The following ITSN1 variants were observed in gnomAD, a reference collection of about 807,000 sequenced individuals.
ITSN1 encodes intersectin-1.
In ITSN1, 58 loss-of-function variants were observed where a neutral mutation model predicts 239.8. The observed-to-expected ratio is 0.24, with a 90% CI of 0.20 to 0.30. ITSN1 has a LOEUF of 0.30. Ranked by LOEUF, ITSN1 falls within the 10% of genes least tolerant of loss-of-function variation. ITSN1 has a pLI of 1.00. For missense variants in ITSN1, 1,558 were observed against 2,103.3 expected (o/e 0.74, Z 5.07); for synonymous variants, 780 against 770.8 (o/e 1.01, Z -0.20).
chr21:33,673,687 A>G (rs1230072302), intron 1 of ITSN1, among the ~76,000 whole-genome samples: 4 of 151,128 alleles, frequency 2.6e-5, no homozygotes, highest in Non-Finnish European at 4.4e-5. Flanking sequence ...TCCTCAGCTC[A>G]TTTCTAACTG....
At chr21:33,827,533 G>GC in intron 26 of ITSN1, among the ~76,000 whole-genome samples, 1 of 152,306 alleles carries the variant, frequency 6.6e-6, no homozygotes, top group Middle Eastern at 3.4e-3. Context: ...GGCTTGGTTA[G>GC]CCCTTTTTCA....
chr21:33,858,069 C>T (rs984303524), intron 30 of ITSN1, among the ~76,000 whole-genome samples: 5 of 152,130 alleles, frequency 3.3e-5, no homozygotes, highest in Admixed American at 6.5e-5. Context: ...GTTGCTCAAC[C>T]ACACAGAGCT....
In ITSN1 at chr21:33,773,161, C is replaced by T. The variant is rs139904551; in HGVS notation, c.1305+838C>T. Among the ~76,000 whole-genome samples, 412 of 152,136 alleles carry T rather than the reference C, an allele frequency of 2.7e-3. 1 individual carries two copies. The highest frequency in any genetic ancestry group is 4.1e-3 in the Admixed American group (63 of 15,282). On this transcript the variant is annotated intron_variant, in intron 12 of 39. Coordinates refer to ENST00000381318, the MANE Select transcript of ITSN1 (RefSeq NM_003024.3). The stretch of plus-strand genomic sequence containing the variant: ...AGCTGGGATTACAGGTGCCCGCCAC[C>T]ACGCCCAGCTAATATTTTGTATTTT...
chr21:33,664,455 G>C (rs1259047012), intron 1 of ITSN1, among the ~76,000 whole-genome samples: 4 of 152,022 alleles, frequency 2.6e-5, no homozygotes, highest in African/African-American at 9.7e-5. Flanking sequence ...CTTGGGGAGG[G>C]CCTTAATCTA....
chr21:33,693,706 T>C (rs1361223527), intron 1 of ITSN1, among the ~76,000 whole-genome samples: 1 of 152,194 alleles, frequency 6.6e-6, no homozygotes, highest in African/African-American at 2.4e-5. Context: ...TGTGTCTATA[T>C]AGCACTCCTA....
intron 29 of ITSN1, chr21:33,836,926 C>T: frequency 1.4e-6 from 2 of 1,426,796 alleles, no homozygotes; most frequent in East Asian, 2.4e-5. Flanking sequence ...ACTCATTTTC[C>T]TAGCTTGAAT....
At chr21:33,845,568 C>A (rs1489618759) in intron 29 of ITSN1, among the ~76,000 whole-genome samples, 8 of 152,146 alleles carry the variant, frequency 5.3e-5, no homozygotes, top group South Asian at 2.1e-4. Flanking sequence ...AGCCCTCTAA[C>A]CTTCCCTCTC....
chr21:33,796,955 C>T (rs1001311963), intron 17 of ITSN1, among the ~76,000 whole-genome samples: 15 of 152,076 alleles, frequency 9.9e-5, no homozygotes, highest in Non-Finnish European at 2.9e-5. Context: ...ATAAAACAAT[C>T]CCTTGCTTTC....
chr21:33,835,043 C>T (rs1234405939), intron 28 of ITSN1, among the ~76,000 whole-genome samples: 1 of 152,144 alleles, frequency 6.6e-6, no homozygotes, highest in Non-Finnish European at 1.5e-5. Context: ...GAGGTGAGGT[C>T]AGGGGGAGCA....
At chr21:33,861,991 T>TA (rs776558259) in intron 31 of ITSN1, among the ~76,000 whole-genome samples, 20,802 of 57,928 alleles carry the variant, frequency 0.36, 4,533 homozygotes, top group African/African-American at 0.52. Context: ...TCATCTCTAC[T>TA]AAAAAAAAAA....
At chr21:33,814,832 C>T (rs763817816) in intron 22 of ITSN1, among the ~76,000 whole-genome samples, 1 of 152,062 alleles carries the variant, frequency 6.6e-6, no homozygotes, top group Non-Finnish European at 1.5e-5. Flanking sequence ...CTAGGGCAGG[C>T]CTGGACCCAG....
intron 1 of ITSN1, among the ~76,000 whole-genome samples, chr21:33,698,710 CTG>C (rs1249869347): frequency 1.3e-5 from 2 of 152,126 alleles, no homozygotes; most frequent in African/African-American, 4.8e-5. Flanking sequence ...TACCTTTTCT[CTG>C]TGTTTTAAAA....
At chr21:33,750,118 G>C in intron 5 of ITSN1, 25 bp from the exon 6 acceptor site, 2 of 1,609,482 alleles carry the variant, frequency 1.2e-6, no homozygotes, top group Non-Finnish European at 1.7e-6. Flanking sequence ...GATGTGAATG[G>C]TGTTGAGCTG....
At chr21:33,790,086 G>C (rs1199818505) in intron 16 of ITSN1, among the ~76,000 whole-genome samples, 1 of 151,980 alleles carries the variant, frequency 6.6e-6, no homozygotes. Context: ...AGCTGTGCTT[G>C]ATCAAAGACC....
chr21:33,713,595 A>G (rs2834252), intron 1 of ITSN1, among the ~76,000 whole-genome samples: 73,888 of 151,788 alleles, frequency 0.49, 18,615 homozygotes, highest in East Asian at 0.82. Flanking sequence ...GTAGTAATTC[A>G]TACAGCAAGC....
chr21:33,704,064 T>A (rs572395130), intron 1 of ITSN1, among the ~76,000 whole-genome samples: 1 of 152,212 alleles, frequency 6.6e-6, no homozygotes, highest in African/African-American at 2.4e-5. Flanking sequence ...ACCTACCTTA[T>A]GCTGCTGAAG....
At position 33,856,868 on chromosome 21, in the gene ITSN1, T is replaced by A; in HGVS notation, c.3783+11T>A. The stretch of plus-strand genomic sequence containing the variant: ...CAGCTGGTCACAGAGGTAAGGGAGC[T>A]GGTGGGGCAGGGGGCACGGCAGGGG... On this transcript the variant is annotated intron_variant, in intron 30 of 39. Transcript: ENST00000381318. 6.2e-7 allele frequency: 1 copy of A among 1,607,324 alleles called. No individual in the cohort carries two copies. Among genetic ancestry groups the A allele is most frequent in the Non-Finnish European group, 8.5e-7 (1 of 1,176,338 alleles).
chr21:33,691,195 T>G (rs1181727287), intron 1 of ITSN1, among the ~76,000 whole-genome samples: 1 of 152,170 alleles, frequency 6.6e-6, no homozygotes, highest in Non-Finnish European at 1.5e-5. Context: ...ACCTGTGTCT[T>G]TCTTTGGACC....
intron 1 of ITSN1, among the ~76,000 whole-genome samples, chr21:33,673,675 T>A (rs1452763470): frequency 6.6e-6 from 1 of 152,214 alleles, no homozygotes; most frequent in Non-Finnish European, 1.5e-5. Flanking sequence ...CCCAGCTGTT[T>A]GTCCTCAGCT....
Sources: gnomAD v4.1 joint callset for allele counts (sites outside exome capture counted in the v4.1 genomes callset) on GRCh38, gnomAD v4.1.1 for gene constraint, MANE v1.5 for transcripts, NCBI Gene and HGNC (gene_info 2026-07-23, HGNC 2026-07-21) for gene names.